Variants in STRN observed in about 807,000 individuals in gnomAD.
STRN encodes protein phosphatase 2 regulatory subunit B'''alpha.
In STRN, 53 loss-of-function variants were observed where a neutral mutation model predicts 96.3. The observed-to-expected ratio is 0.55, with a 90% confidence interval of 0.44 to 0.69. The LOEUF (loss-of-function observed/expected upper bound fraction) is 0.69, where lower values mean the gene tolerates loss of function less well. Among genes scored for constraint, STRN ranks in the 30% least tolerant of loss-of-function variants. STRN has a pLI of 0.00. For missense variants in STRN, 987 were observed against 963.9 expected, an observed-to-expected ratio of 1.02 and a Z score of -0.32; for synonymous variants, 428 against 355.9, an observed-to-expected ratio of 1.20 and a Z score of -2.28.
In STRN at chr2:36,845,468, TA is replaced by T. The variant is rs1375546876; in HGVS notation, c.*3987del. Reference sequence around the variant, plus strand: ...TATGAGAGATGCTTTTTAAATATTTTAAGACTATTCTTAGGTGGAATTTTAA... The same window carrying T: ...TATGAGAGATGCTTTTTAAATATTTTAGACTATTCTTAGGTGGAATTTTAA... On this transcript the variant is annotated 3_prime_UTR_variant, in exon 18 of 18. Coordinates refer to ENST00000263918, the MANE Select transcript of STRN (RefSeq NM_003162.4). The T allele has an allele frequency of 6.6e-6, 1 of 152,166 alleles. No homozygotes were observed. The highest frequency in any genetic ancestry group is 1.9e-4 in the East Asian group (1 of 5,194). 9.4% of individuals were successfully genotyped at this position (152,166 alleles called of 1,614,324 possible).
intron 15 of STRN, among the ~76,000 whole-genome samples, chr2:36,852,843 ATT>A (rs1410437213): frequency 6.6e-6 from 1 of 152,192 alleles, no homozygotes; most frequent in East Asian, 1.9e-4. Context: ...GTGGCAGGTA[ATT>A]ACCCAGCCTG....
At chr2:36,902,886 G>T in intron 4 of STRN, 135 bp from the exon 5 acceptor site, 1 of 601,492 alleles carries the variant, frequency 1.7e-6, no homozygotes, top group Non-Finnish European at 2.5e-6. Context: ...AGTAAGACTT[G>T]TTAATAAATA....
chr2:36,940,698 T>C (rs953110999), intron 1 of STRN, among the ~76,000 whole-genome samples: 7 of 151,524 alleles, frequency 4.6e-5, no homozygotes, highest in Admixed American at 2.0e-4. Context: ...TAGCCAGGCA[T>C]GGTGGCGGGG....
intron 2 of STRN, among the ~76,000 whole-genome samples, chr2:36,919,905 T>G (rs190673538): frequency 6.6e-6 from 1 of 152,322 alleles, no homozygotes; most frequent in Admixed American, 6.5e-5. Flanking sequence ...ATATTAAATT[T>G]TATCACACAT....
intron 7 of STRN, among the ~76,000 whole-genome samples, chr2:36,888,670 T>TGC (rs1553397289): frequency 1.5e-4 from 23 of 149,170 alleles, no homozygotes; most frequent in African/African-American, 5.2e-4. Context: ...TGTGTGTGTG[T>TGC]GCATTTATTT....
intron 1 of STRN, among the ~76,000 whole-genome samples, chr2:36,959,458 T>C (rs1483416824): frequency 6.6e-6 from 1 of 152,214 alleles, no homozygotes; most frequent in East Asian, 1.9e-4. Flanking sequence ...ACTGTAAAGA[T>C]ATCTGGAGAT....
intron 13 of STRN, among the ~76,000 whole-genome samples, chr2:36,860,618 T>C (rs996801208): frequency 6.6e-6 from 1 of 152,212 alleles, no homozygotes; most frequent in Non-Finnish European, 1.5e-5. Flanking sequence ...TAGATTATAA[T>C]ATGATTTATG....
At chr2:36,859,063 T>C (rs985748853) in intron 13 of STRN, among the ~76,000 whole-genome samples, 5 of 152,174 alleles carry the variant, frequency 3.3e-5, no homozygotes, top group African/African-American at 1.2e-4. Context: ...AGCAATTCAG[T>C]ATTACTGGAG....
intron 1 of STRN, among the ~76,000 whole-genome samples, chr2:36,937,284 C>T (rs1223997882): frequency 6.9e-6 from 1 of 145,012 alleles, no homozygotes; most frequent in African/African-American, 2.6e-5. Flanking sequence ...GTGGAGGTTG[C>T]GGTGAGCCAA....
At chr2:36,917,717 TG>T (rs1476495850) in intron 2 of STRN, among the ~76,000 whole-genome samples, 1 of 152,118 alleles carries the variant, frequency 6.6e-6, no homozygotes, top group Non-Finnish European at 1.5e-5. Context: ...TATAGGCAGT[TG>T]ATGTCCTATT....
At chr2:36,931,831 A>AT (rs914498728) in intron 1 of STRN, among the ~76,000 whole-genome samples, 2 of 152,140 alleles carry the variant, frequency 1.3e-5, no homozygotes, top group Non-Finnish European at 2.9e-5. Context: ...TTATTCATTT[A>AT]TTTGTTTATT....
rs754893597 is a variant in STRN, at chr2:36,902,662, G to C, written c.581C>G (p.Thr194Arg). Residue 194 changes from threonine (T) to arginine (R), a missense_variant, in exon 5 of 18, where the codon ACG becomes AGG. By Grantham distance (71) the Thr-to-Arg change is moderately conservative. Coordinates refer to ENST00000263918, the MANE Select transcript of STRN (RefSeq NM_003162.4). Reference protein sequence around the residue: ...RALLGFSSDVTDREDDKNQDS... With the variant: ...RALLGFSSDVRDREDDKNQDS... ...CTGATTTTTGTCATCTTCCCTGTCC[G>C]TGACATCACTTGAAAAGCCCAACAA... 4 of 1,611,976 alleles carry C rather than the reference G, an allele frequency of 2.5e-6. No individual in the cohort carries two copies. In the South Asian group the frequency reaches 4.4e-5, roughly 18 times the overall value.
At chr2:36,921,554 C>T (rs1467409863) in intron 2 of STRN, among the ~76,000 whole-genome samples, 2 of 152,146 alleles carry the variant, frequency 1.3e-5, no homozygotes, top group African/African-American at 4.8e-5. Context: ...CATTTGATAC[C>T]TTCTAAAAGT....
chr2:36,955,176 G>C (rs1316901415), intron 1 of STRN, among the ~76,000 whole-genome samples: 1 of 152,206 alleles, frequency 6.6e-6, no homozygotes, highest in African/African-American at 2.4e-5. Flanking sequence ...AAAAAGGAGA[G>C]GATATGGTAT....
chr2:36,868,448 C>G (rs557282447), intron 11 of STRN, among the ~76,000 whole-genome samples: 1 of 152,296 alleles, frequency 6.6e-6, no homozygotes, highest in East Asian at 1.9e-4. Flanking sequence ...ATTCATTACT[C>G]AGAACACCAT....
chr2:36,942,842 C>T (rs1204413706), intron 1 of STRN, among the ~76,000 whole-genome samples: 2 of 151,930 alleles, frequency 1.3e-5, no homozygotes, highest in Admixed American at 6.6e-5. Context: ...ATTACAGGCA[C>T]GCAACACCAC....
In STRN at chr2:36,846,997, G is replaced by A. The variant is rs1038365296; in HGVS notation, c.*2459C>T. The stretch of plus-strand genomic sequence containing the variant: ...TTTGTTCATTCTGTGAATTTTCATT[G>A]AATGTTCAACAGGCTAGGGGAAAAG... On this transcript the variant is annotated 3_prime_UTR_variant, in exon 18 of 18. Transcript: ENST00000263918. 1.3e-5 allele frequency: 2 copies of A among 152,220 alleles called. No homozygotes were observed. Among genetic ancestry groups the A allele is most frequent in the Non-Finnish European group, 1.5e-5 (1 of 68,008 alleles). 9.4% of individuals were successfully genotyped at this position (152,220 alleles called of 1,614,324 possible). A position where few individuals can be genotyped will look rare whatever the true frequency, so the allele number is the denominator to read the frequency against.
At chr2:36,884,174 A>T (rs1326992447) in intron 8 of STRN, 99 bp from the exon 9 acceptor site, 14 of 1,054,830 alleles carry the variant, frequency 1.3e-5, no homozygotes, top group Non-Finnish European at 1.7e-5. Context: ...TCCATCTGTC[A>T]ATATTTACCT....
chr2:36,853,911 T>C (rs1668280058), intron 15 of STRN, among the ~76,000 whole-genome samples: 1 of 152,200 alleles, frequency 6.6e-6, no homozygotes, highest in African/African-American at 2.4e-5. Flanking sequence ...CTCAAAATAA[T>C]GATCATTTAT....
Sources: allele counts gnomAD v4.1 joint callset (sites outside exome capture counted in the v4.1 genomes callset), GRCh38; gene constraint gnomAD v4.1.1; transcripts MANE v1.5; gene names NCBI Gene and HGNC (gene_info 2026-07-23, HGNC 2026-07-21).